Variants in SYCP1 observed in about 807,000 individuals in gnomAD.
SYCP1 encodes cancer/testis antigen 8.
Under a neutral mutation model 153.1 loss-of-function variants are expected in SYCP1, and 64 were observed. That is an observed-to-expected ratio of 0.42 (90% CI 0.34 to 0.51). The LOEUF (loss-of-function observed/expected upper bound fraction) is 0.51, where lower values mean the gene tolerates loss of function less well. Among genes scored for constraint, SYCP1 ranks in the 20% least tolerant of loss-of-function variants. The probability of loss-of-function intolerance (pLI) is 0.06; values close to 1 mark genes in which losing one functional copy is unlikely to be tolerated. For missense variants in SYCP1, 997 were observed against 1,049.0 expected (o/e 0.95, Z 0.68); for synonymous variants, 384 against 341.8 (o/e 1.12, Z -1.36).
At position 114,874,529 on chromosome 1, in the gene SYCP1, A is replaced by C. The variant is rs758502700; in HGVS notation, c.622A>C (p.Arg208=). Residue 208 remains arginine, a synonymous_variant, in exon 9 of 32, where the codon AGG becomes CGG. Coordinates refer to ENST00000369522, the MANE Select transcript of SYCP1 (RefSeq NM_003176.4). ...KKYEYEREET[R]QVYMDLNNNI... ...AGATGAATATGAACGGGAAGAAACC[A>C]GGCAAGTTTATATGGATCTAAATAA... 6.3e-6 allele frequency: 10 copies of C among 1,576,254 alleles called. No homozygotes were observed. Among genetic ancestry groups the C allele is most frequent in the Non-Finnish European group, 7.8e-6 (9 of 1,157,824 alleles).
intron 9 of SYCP1, among the ~76,000 whole-genome samples, chr1:114,875,643 T>C (rs762793696): frequency 1.3e-5 from 2 of 152,150 alleles, no homozygotes; most frequent in African/African-American, 2.4e-5. Flanking sequence ...ATTAACCTGA[T>C]TTTACAAAGC....
intron 17 of SYCP1, among the ~76,000 whole-genome samples, chr1:114,910,975 G>A (rs1349091923): frequency 6.6e-6 from 1 of 151,848 alleles, no homozygotes; most frequent in Non-Finnish European, 1.5e-5. Context: ...CATTAAGTTA[G>A]GTTCTTAGTT....
intron 27 of SYCP1, among the ~76,000 whole-genome samples, chr1:114,965,611 A>G (rs1398361581): frequency 6.6e-6 from 1 of 152,188 alleles, no homozygotes; most frequent in Non-Finnish European, 1.5e-5. Flanking sequence ...ATCTATTGAG[A>G]TAATCATGTG....
At position 114,913,996 on chromosome 1, in the gene SYCP1, A is replaced by C; in HGVS notation, c.1669A>C (p.Arg557=). 1 of 1,576,138 alleles carries C rather than the reference A, an allele frequency of 6.3e-7. No homozygotes were observed. The highest frequency in any genetic ancestry group is 8.6e-7 in the Non-Finnish European group (1 of 1,162,864). Residue 557 remains arginine (R), a synonymous_variant, in exon 20 of 32, where the codon AGG becomes CGG. Coordinates refer to ENST00000369522, the MANE Select transcript of SYCP1 (RefSeq NM_003176.4). ...TTAGAATAACAAAAAGCAAGAAGAA[A>C]GGATGTTGAAACAAATAGAAAATCT... ...DINNNKKQEE[R]MLKQIENLQE... is the part of the protein sequence containing the mutation.
chr1:114,980,012 T>C (rs1229411108), intron 28 of SYCP1, among the ~76,000 whole-genome samples: 1 of 151,784 alleles, frequency 6.6e-6, no homozygotes, highest in Admixed American at 6.6e-5. Flanking sequence ...TTTTTGTGTG[T>C]GTGTGCTCTA....
chr1:114,944,240 T>C, intron 23 of SYCP1, 99 bp from the exon 24 acceptor site: 2 of 683,616 alleles, frequency 2.9e-6, no homozygotes, highest in South Asian at 4.0e-5. Context: ...CATGAATAAG[T>C]AATCTTCTAA....
chr1:114,954,032 CA>C (rs1313205363), intron 27 of SYCP1, among the ~76,000 whole-genome samples: 2 of 151,620 alleles, frequency 1.3e-5, no homozygotes, highest in African/African-American at 4.8e-5. Flanking sequence ...CATTTCCTTT[CA>C]TGCAATTGAA....
At chr1:114,989,838 A>G (rs1673797995) in intron 30 of SYCP1, among the ~76,000 whole-genome samples, 1 of 152,102 alleles carries the variant, frequency 6.6e-6, no homozygotes, top group Non-Finnish European at 1.5e-5. Context: ...CTAATAACAG[A>G]CCTTCTAAAT....
rs4045000 is a variant in SYCP1, at chr1:114,954,547, TTTTATTTA to T, written c.2322+7255_2322+7262del. ...TTTTATCCTTTCCAGTCAGTATGCTTTTTATTTATTTATTTATTTATTTATTTATTTAT... is the reference window on the plus strand; with the variant it reads ...TTTTATCCTTTCCAGTCAGTATGCTTTTTATTTATTTATTTATTTATTTAT... On this transcript the variant is annotated intron_variant, in intron 27 of 31. Transcript: ENST00000369522. Among the ~76,000 whole-genome samples the T allele has an allele frequency of 2.3e-3, 337 of 148,396 alleles. 2 individuals carry two copies. The highest frequency in any genetic ancestry group is 5.5e-3 in the African/African-American group (220 of 40,236).
At chr1:114,918,089 G>A (rs1041571351) in intron 20 of SYCP1, among the ~76,000 whole-genome samples, 3 of 151,824 alleles carry the variant, frequency 2.0e-5, no homozygotes, top group South Asian at 4.2e-4. Context: ...TTTCCTCGAC[G>A]GTTTCTTTTA....
intron 30 of SYCP1, among the ~76,000 whole-genome samples, chr1:114,987,754 A>C (rs1673615630): frequency 6.6e-6 from 1 of 152,004 alleles, no homozygotes; most frequent in Non-Finnish European, 1.5e-5. Flanking sequence ...AAGGAACAAA[A>C]CAAACCAACA....
rs769455947 is a variant in SYCP1 at position 114,944,466 on chromosome 1, C to A, written c.2043+11C>A. 11 of 1,452,984 alleles carry A rather than the reference C, an allele frequency of 7.6e-6. No individual in the cohort carries two copies. Among genetic ancestry groups the A allele is most frequent in the Non-Finnish European group, 1.1e-5 (11 of 1,045,598 alleles). 90.0% of individuals were successfully genotyped at this position (1,452,984 alleles called of 1,614,324 possible). On this transcript the variant is annotated intron_variant, in intron 24 of 31. Transcript: ENST00000369522. ...AATCTTTTGGAAGAGGTGGGAAAAA[C>A]TTAATGTATTAAGAACTTATTATAC...
intron 8 of SYCP1, among the ~76,000 whole-genome samples, chr1:114,867,254 A>G (rs189350957): frequency 3.8e-4 from 58 of 152,192 alleles, no homozygotes; most frequent in South Asian, 1.0e-3. Flanking sequence ...GCCTCACCAT[A>G]TAAACTTTAG....
chr1:114,972,511 G>A (rs892722647), intron 27 of SYCP1, among the ~76,000 whole-genome samples: 1 of 151,908 alleles, frequency 6.6e-6, no homozygotes, highest in African/African-American at 2.4e-5. Flanking sequence ...GTTATTTGAA[G>A]TTTTTCTTCC....
At chr1:114,979,135 C>CT (rs145320506) in intron 28 of SYCP1, among the ~76,000 whole-genome samples, 1,423 of 134,818 alleles carry the variant, frequency 0.011, 13 homozygotes, top group South Asian at 0.021. Context: ...TTTAACTAGG[C>CT]TTTTTTTTTT....
chr1:114,940,259 G>A (rs1670301497), intron 23 of SYCP1, among the ~76,000 whole-genome samples: 1 of 151,954 alleles, frequency 6.6e-6, no homozygotes, highest in Non-Finnish European at 1.5e-5. Flanking sequence ...CTCCATGCCG[G>A]CTAATTTTTG....
chr1:114,974,202 T>G (rs926176368), intron 27 of SYCP1, among the ~76,000 whole-genome samples: 1 of 151,930 alleles, frequency 6.6e-6, no homozygotes, highest in African/African-American at 2.4e-5. Flanking sequence ...CAGTTTTGAT[T>G]TATTCTTGTG....
intron 28 of SYCP1, among the ~76,000 whole-genome samples, chr1:114,979,064 T>C (rs2335955): frequency 0.39 from 58,197 of 151,144 alleles, 12,419 homozygotes; most frequent in East Asian, 0.5. Flanking sequence ...AGTCTAGATA[T>C]ATATGTTGGA....
intron 16 of SYCP1, chr1:114,910,006 C>A: frequency 6.5e-6 from 1 of 153,182 alleles, no homozygotes; most frequent in Non-Finnish European, 1.5e-5. Flanking sequence ...AAAATTCAAA[C>A]TCCTTAACTA....
Sources: allele counts gnomAD v4.1 joint callset (sites outside exome capture counted in the v4.1 genomes callset), GRCh38; gene constraint gnomAD v4.1.1; transcripts MANE v1.5; gene names NCBI Gene and HGNC (gene_info 2026-07-23, HGNC 2026-07-21).